Variants in TMEM168 observed in about 807,000 individuals in gnomAD.
TMEM168 encodes transmembrane protein 168.
TMEM168 carries 40 observed loss-of-function variants against 53.2 expected under a neutral mutation model. The ratio of observed to expected loss-of-function variants is 0.75; its 90% CI spans 0.58 to 0.98. TMEM168 has a LOEUF of 0.98. Ranked by LOEUF, TMEM168 falls within the 50% of genes least tolerant of loss-of-function variation. TMEM168 has a pLI of 0.00. For synonymous variants in TMEM168, 282 were observed against 293.0 expected (o/e 0.96, Z 0.38); for missense variants, 771 against 828.8 (o/e 0.93, Z 0.86).
chr7:112,768,826 C>A (rs1792856434), intron 4 of TMEM168, among the ~76,000 whole-genome samples: 1 of 152,042 alleles, frequency 6.6e-6, no homozygotes, highest in South Asian at 2.1e-4. Flanking sequence ...AAAAAGACGA[C>A]CTTCCCATTT....
At chr7:112,782,325 AC>A (rs1398061279) in intron 2 of TMEM168, among the ~76,000 whole-genome samples, 3 of 152,218 alleles carry the variant, frequency 2.0e-5, no homozygotes, top group Middle Eastern at 3.4e-3. Flanking sequence ...ATATCTGAAG[AC>A]CACTAGGTAA....
chr7:112,781,481 A>G (rs897499059), intron 2 of TMEM168, among the ~76,000 whole-genome samples: 4 of 152,194 alleles, frequency 2.6e-5, no homozygotes, highest in Admixed American at 6.5e-5. Context: ...TAAATAACCC[A>G]TGAGTCAAAG....
chr7:112,767,257 C>G lies in TMEM168; in HGVS notation c.2034G>C (p.Met678Ile). The change falls in exon 5 of 5, where the codon ATG (methionine) becomes ATC (isoleucine). Residue 678 changes from methionine (M) to isoleucine (I), a missense_variant. Physicochemically the swap from Met to Ile is conservative, Grantham distance 10 (BLOSUM62 1). Transcript: ENST00000312814. ...CCAGCACAGTAGGAAGAAACCAACT[C>G]ATTTTTAATCTTTTCAAGCACCTAA... ...TCFRCLKRLK[M>I]SWFLPTVLDT... 2 of 1,614,106 alleles carry G rather than the reference C, an allele frequency of 1.2e-6. No individual in the cohort carries two copies. The highest frequency in any genetic ancestry group is 1.7e-5 in the Admixed American group (1 of 60,020).
chr7:112,784,711 A>C lies in TMEM168; in HGVS notation c.115T>G (p.Leu39Val), dbSNP rs1283725264. The change falls in exon 2 of 5, where the codon TTA becomes GTA. Residue 39 changes from leucine to valine, a missense_variant. Transcript: ENST00000312814. ...GCAACCAATAAATTGATTCTGGCTA[A>C]ATAGCCAAGATACCGCACTGAAGAA... The part of the protein sequence containing the change: ...MHSSVRYLGY[L>V]ARINLLVAIC... 3.1e-6 allele frequency: 5 copies of C among 1,614,038 alleles called. No individual in the cohort carries two copies. Among genetic ancestry groups the C allele is most frequent in the Non-Finnish European group, 4.2e-6 (5 of 1,179,982 alleles).
At chr7:112,767,809 T>C in intron 4 of TMEM168, 65 bp from the exon 5 acceptor site, 1 of 1,422,750 alleles carries the variant, frequency 7.0e-7, no homozygotes, top group East Asian at 2.3e-5. Context: ...AAAACCCTCT[T>C]AATCATTTTC....
chr7:112,772,891 G>C lies in TMEM168; in HGVS notation c.1436C>G (p.Ser479Cys). 2 of 1,614,082 alleles carry C rather than the reference G, an allele frequency of 1.2e-6. No individual in the cohort carries two copies. Among genetic ancestry groups the C allele is most frequent in the Non-Finnish European group, 1.7e-6 (2 of 1,179,972 alleles). ...AAGTTCGAGGAAAGCTTTTAGTTTG[G>C]AATGCAGAGTATCAAATGACAGTCC... ...TSGLSFDTLH[S>C]KLKAFLELRT... The change falls in exon 4 of 5, where the codon TCC (serine) becomes TGC (cysteine). Residue 479 changes from serine to cysteine, a missense_variant. Ser to Cys is a moderately radical substitution (Grantham distance 112, BLOSUM62 -1). Coordinates refer to ENST00000312814, the MANE Select transcript of TMEM168 (RefSeq NM_022484.6).
chr7:112,777,949 G>C (rs1793133956), intron 2 of TMEM168, among the ~76,000 whole-genome samples: 1 of 132,718 alleles, frequency 7.5e-6, no homozygotes, highest in Non-Finnish European at 1.6e-5. Flanking sequence ...TGTGTACCTG[G>C]TTAAATTTAT....
chr7:112,788,880 C>T (rs1293886164), intron 1 of TMEM168, among the ~76,000 whole-genome samples: 1 of 152,108 alleles, frequency 6.6e-6, no homozygotes, highest in East Asian at 1.9e-4. Context: ...TCCCTGTATC[C>T]ACTCTTGCCC....
At position 112,784,667 on chromosome 7, in the gene TMEM168, G is replaced by C; in HGVS notation, c.159C>G (p.Tyr53Ter). Residue 53 changes from tyrosine to a stop codon, truncating the protein, a stop_gained, in exon 2 of 5, where the codon TAC becomes TAG. Coordinates refer to ENST00000312814, the MANE Select transcript of TMEM168 (RefSeq NM_022484.6). LOFTEE classifies it high-confidence loss of function. ...AATTTGCTGTTTTTTCCCATCTTACGTATAGACCTAAGCATATAGCAACCA... is the reference window on the plus strand; with the variant it reads ...AATTTGCTGTTTTTTCCCATCTTACCTATAGACCTAAGCATATAGCAACCA... The part of the protein sequence containing the change: ...NLLVAICLGL[Y>*]VRWEKTANSL... The C allele has an allele frequency of 1.2e-6, 2 of 1,613,612 alleles. No individual in the cohort carries two copies. Among genetic ancestry groups the C allele is most frequent in the East Asian group, 2.2e-5 (1 of 44,858 alleles).
chr7:112,775,135 T>C (rs370684766), intron 3 of TMEM168, 41 bp downstream of exon 3: 16 of 1,474,276 alleles, frequency 1.1e-5, no homozygotes, highest in South Asian at 1.5e-5. Flanking sequence ...GAAAATGTTA[T>C]GAAGTGAATA....
At chr7:112,768,039 T>A (rs1479092545) in intron 4 of TMEM168, among the ~76,000 whole-genome samples, 1 of 152,180 alleles carries the variant, frequency 6.6e-6, no homozygotes, top group Non-Finnish European at 1.5e-5. Flanking sequence ...ACAGTTGTAT[T>A]TAGTGAAAAC....
chr7:112,768,364 T>A (rs112271304), intron 4 of TMEM168, among the ~76,000 whole-genome samples: 10 of 152,288 alleles, frequency 6.6e-5, no homozygotes, highest in African/African-American at 2.2e-4. Flanking sequence ...GCCAAAAATA[T>A]CTGGCCCTTT....
chr7:112,773,244 A>T (rs568976452), intron 3 of TMEM168, among the ~76,000 whole-genome samples, 189 bp from the exon 4 acceptor site: 10 of 152,316 alleles, frequency 6.6e-5, no homozygotes, highest in Admixed American at 1.3e-4. Context: ...CCTGGTTTCT[A>T]AATATTATAT....
At chr7:112,775,756 T>C (rs1793065449) in intron 2 of TMEM168, among the ~76,000 whole-genome samples, 1 of 152,256 alleles carries the variant, frequency 6.6e-6, no homozygotes, top group East Asian at 1.9e-4. Flanking sequence ...AAAGGGGTCA[T>C]TTTTTCCCCA....
chr7:112,770,962 A>T (rs893045777), intron 4 of TMEM168, among the ~76,000 whole-genome samples: 3 of 152,178 alleles, frequency 2.0e-5, no homozygotes, highest in Admixed American at 6.5e-5. Context: ...CTGCTTTTAG[A>T]TCTAAAATTC....
At chr7:112,770,002 G>A (rs1026516746) in intron 4 of TMEM168, among the ~76,000 whole-genome samples, 1 of 152,262 alleles carries the variant, frequency 6.6e-6, no homozygotes, top group South Asian at 2.1e-4. Context: ...AAATCCAGTT[G>A]TGATGTTTCC....
At chr7:112,777,347 A>T (rs143017736) in intron 2 of TMEM168, among the ~76,000 whole-genome samples, 1 of 152,312 alleles carries the variant, frequency 6.6e-6, no homozygotes, top group African/African-American at 2.4e-5. Flanking sequence ...TTCAAGCACA[A>T]ATTACTGAAA....
intron 4 of TMEM168, among the ~76,000 whole-genome samples, chr7:112,768,519 C>T (rs1252304738): frequency 6.6e-6 from 1 of 151,994 alleles, no homozygotes; most frequent in African/African-American, 2.4e-5. Flanking sequence ...AGTTTTATAG[C>T]TGAAGAACAA....
chr7:112,784,746 A>C lies in TMEM168; in HGVS notation c.80T>G (p.Val27Gly). The C allele has an allele frequency of 1.2e-6, 2 of 1,612,308 alleles. No individual in the cohort carries two copies. The highest frequency in any genetic ancestry group is 1.7e-6 in the Non-Finnish European group (2 of 1,179,614). The change falls in exon 2 of 5, where the codon GTG becomes GGG. Residue 27 changes from valine (V) to glycine (G), a missense_variant. Physicochemically the swap from Val to Gly is moderately radical, Grantham distance 109 (BLOSUM62 -3). Coordinates refer to ENST00000312814, the MANE Select transcript of TMEM168 (RefSeq NM_022484.6). ...MTRLEEVNRE[V>G]NMHSSVRYLG... is the part of the protein sequence containing the mutation. ...ATACCGCACTGAAGAATGCATGTTC[A>C]CTTCTCTATTTACTTCTTCCAGTCT...
Sources: allele counts gnomAD v4.1 joint callset (sites outside exome capture counted in the v4.1 genomes callset), GRCh38; gene constraint gnomAD v4.1.1; transcripts MANE v1.5; gene names NCBI Gene and HGNC (gene_info 2026-07-23, HGNC 2026-07-21).